Variants in HSPA12A observed in about 807,000 individuals in gnomAD.
HSPA12A encodes the protein heat shock 70 kDa protein 12A.
In HSPA12A, 28 loss-of-function variants were observed where a neutral mutation model predicts 69.2. That is an observed-to-expected ratio of 0.40 (90% CI 0.30 to 0.55). The LOEUF is 0.55. Ranked by LOEUF, HSPA12A falls within the 20% of genes least tolerant of loss-of-function variation. The pLI is 0.38. For synonymous variants in HSPA12A, 345 were observed against 370.5 expected, an observed-to-expected ratio of 0.93 and a Z score of 0.79; for missense variants, 686 against 900.7, an observed-to-expected ratio of 0.76 and a Z score of 3.05.
chr10:116,704,873 G>A (rs1316772558), intron 3 of HSPA12A, among the ~76,000 whole-genome samples: 1 of 152,130 alleles, frequency 6.6e-6, no homozygotes, highest in Non-Finnish European at 1.5e-5. Context: ...TCTCACCCAG[G>A]CCACAAGCTG....
chr10:116,770,681 C>CGGGTTGT (rs1436053527), intron 2 of HSPA12A, among the ~76,000 whole-genome samples: 5 of 152,084 alleles, frequency 3.3e-5, no homozygotes, highest in African/African-American at 1.2e-4. Flanking sequence ...CCATGGCTGC[C>CGGGTTGT]GGGTTGTCCC....
At chr10:116,785,047 AG>A (rs1554892192) in intron 2 of HSPA12A, among the ~76,000 whole-genome samples, 1 of 152,100 alleles carries the variant, frequency 6.6e-6, no homozygotes, top group Non-Finnish European at 1.5e-5. Context: ...TAACAAGTTG[AG>A]GACCAACAAG....
intron 2 of HSPA12A, among the ~76,000 whole-genome samples, chr10:116,822,285 ACCT>A (rs1564831241): frequency 6.6e-6 from 1 of 152,172 alleles, no homozygotes; most frequent in Non-Finnish European, 1.5e-5. Context: ...CTTATGTCTG[ACCT>A]TCCCTTCGGT....
chr10:116,825,649 G>A (rs1845488507), intron 2 of HSPA12A, among the ~76,000 whole-genome samples: 1 of 152,206 alleles, frequency 6.6e-6, no homozygotes, highest in African/African-American at 2.4e-5. Context: ...CCCAGAACAG[G>A]TGTATCTATA....
At chr10:116,845,648 C>T (rs1379921312) in intron 1 of HSPA12A, among the ~76,000 whole-genome samples, 1 of 152,066 alleles carries the variant, frequency 6.6e-6, no homozygotes, top group African/African-American at 2.4e-5. Flanking sequence ...CCCCAGTTTG[C>T]TAAGTTTAAG....
chr10:116,697,320 G>A (rs1313364350), intron 5 of HSPA12A, among the ~76,000 whole-genome samples: 7 of 152,110 alleles, frequency 4.6e-5, no homozygotes, highest in Admixed American at 2.0e-4. Flanking sequence ...GAGGAGACAC[G>A]AGTGGACAGC....
chr10:116,820,714 C>T (rs1280343803), intron 2 of HSPA12A, among the ~76,000 whole-genome samples: 1 of 152,080 alleles, frequency 6.6e-6, no homozygotes, highest in East Asian at 1.9e-4. Flanking sequence ...GGGATCTCTT[C>T]CGCTTTCTTG....
intron 2 of HSPA12A, among the ~76,000 whole-genome samples, chr10:116,791,102 C>T (rs1468204844): frequency 1.3e-5 from 2 of 152,210 alleles, no homozygotes; most frequent in African/African-American, 4.8e-5. Context: ...GAGCAGGAGA[C>T]TGTCTGGCTA....
At chr10:116,845,146 C>T (rs1845858969) in intron 1 of HSPA12A, among the ~76,000 whole-genome samples, 2 of 152,150 alleles carry the variant, frequency 1.3e-5, no homozygotes, top group Admixed American at 1.3e-4. Context: ...AATACTCCCC[C>T]AACACTGATG....
At chr10:116,703,520 C>T (rs1211964309) in intron 3 of HSPA12A, among the ~76,000 whole-genome samples, 1 of 142,740 alleles carries the variant, frequency 7.0e-6, no homozygotes, top group Non-Finnish European at 1.5e-5. Context: ...GGCAAAGGAA[C>T]AAGAGCCTGT....
chr10:116,781,755 C>T (rs1419414541), intron 2 of HSPA12A, among the ~76,000 whole-genome samples: 12 of 152,216 alleles, frequency 7.9e-5, no homozygotes, highest in Non-Finnish European at 1.3e-4. Context: ...GCCTGAGGGT[C>T]TGCTGTGGGC....
chr10:116,845,621 C>T (rs2133227652), intron 1 of HSPA12A, among the ~76,000 whole-genome samples: 1 of 152,248 alleles, frequency 6.6e-6, no homozygotes, highest in Middle Eastern at 3.4e-3. Flanking sequence ...CCCCTTTCTT[C>T]CCTCCCATCG....
intron 2 of HSPA12A, among the ~76,000 whole-genome samples, chr10:116,797,032 C>T (rs1055643785): frequency 6.6e-6 from 1 of 152,144 alleles, no homozygotes; most frequent in Non-Finnish European, 1.5e-5. Context: ...CCAAAGAAAT[C>T]CCACAGAAGT....
At position 116,675,113 on chromosome 10, in the gene HSPA12A, C is replaced by T. The variant is rs1423363716; in HGVS notation, c.1696G>A (p.Asp566Asn). The T allele has an allele frequency of 9.9e-6, 16 of 1,613,870 alleles. No individual in the cohort carries two copies. The highest frequency in any genetic ancestry group is 3.3e-5 in the South Asian group (3 of 91,054). Residue 566 changes from aspartate (D) to asparagine (N), a missense_variant, in exon 12 of 12, where the codon GAC becomes AAC. Transcript: ENST00000369209. This position sits in a 1 kb window ranked among gnomAD's most constrained non-coding sequence, Gnocchi z 5.2. ...GCAGAGATGAACTTGTCAAAGACGT[C>T]GGTGCACCACCGAGTGCCATCCTTC... ...LVKDGTRWCTDVFDKFISADQ... is the reference protein window; with the variant it reads ...LVKDGTRWCTNVFDKFISADQ...
intron 1 of HSPA12A, chr10:116,849,545 C>G: frequency 6.6e-7 from 1 of 1,512,232 alleles, no homozygotes; most frequent in Non-Finnish European, 8.9e-7. Context: ...CTAAACCCCG[C>G]TGTAGCCTTA....
intron 1 of HSPA12A, among the ~76,000 whole-genome samples, chr10:116,843,484 C>T (rs1266897162): frequency 6.6e-6 from 1 of 152,174 alleles, no homozygotes; most frequent in African/African-American, 2.4e-5. Context: ...TTTTAAATGT[C>T]ATTTCCTAGC....
Position 116,675,311 on chromosome 10 carries a change from C to G in HSPA12A, c.1498G>C (p.Asp500His), listed in dbSNP as rs1200420908. The G allele has an allele frequency of 3.7e-6, 6 of 1,613,298 alleles. No individual in the cohort carries two copies. In the Admixed American group the frequency reaches 1.0e-4, roughly 27 times the overall value. Residue 500 changes from aspartate (D) to histidine (H), a missense_variant, in exon 12 of 12, where the codon GAC (aspartate) becomes CAC (histidine). Coordinates refer to ENST00000369209, the MANE Select transcript of HSPA12A (RefSeq NM_025015.3). The surrounding 1 kb of genome is among the most constrained non-coding windows in gnomAD (Gnocchi z 5.2). ...LQQAVQAAFG[D>H]QCRIIIPQDV... Reference sequence around the variant, plus strand: ...TGGGGGATGATGATCCGGCACTGGTCCCCAAAAGCAGCCTGCACCGCCTGC... The same window carrying G: ...TGGGGGATGATGATCCGGCACTGGTGCCCAAAAGCAGCCTGCACCGCCTGC...
At chr10:116,682,459 G>GA (rs1205946711) in intron 7 of HSPA12A, among the ~76,000 whole-genome samples, 1 of 151,778 alleles carries the variant, frequency 6.6e-6, no homozygotes, top group African/African-American at 2.4e-5. Flanking sequence ...ATAGACTGGG[G>GA]GGGGGGGCCA....
At chr10:116,789,180 A>G (rs1844646543) in intron 2 of HSPA12A, among the ~76,000 whole-genome samples, 1 of 152,152 alleles carries the variant, frequency 6.6e-6, no homozygotes, top group South Asian at 2.1e-4. Flanking sequence ...TGCAGCTATT[A>G]ATCTAATGCA....
Sources: gnomAD v4.1 joint callset for allele counts (sites outside exome capture counted in the v4.1 genomes callset) on GRCh38, gnomAD v4.1.1 for gene constraint, Gnocchi (gnomAD v3.1) non-coding constraint, MANE v1.5 for transcripts, NCBI Gene and HGNC (gene_info 2026-07-23, HGNC 2026-07-21) for gene names.